Variants in BOK observed in about 807,000 individuals in gnomAD.
The protein encoded by BOK is BCL2 family apoptosis regulator BOK.
BOK carries 20 observed loss-of-function variants against 18.3 expected under a neutral mutation model. That is an observed-to-expected ratio of 1.09 (90% confidence interval 0.77 to 1.59). The LOEUF is 1.59. Ranked by LOEUF, BOK falls within the 40% of genes most tolerant of loss-of-function variation. The pLI is 0.00. For synonymous variants in BOK, 173 were observed against 142.4 expected, an observed-to-expected ratio of 1.21 and a Z score of -1.53; for missense variants, 348 against 307.9, an observed-to-expected ratio of 1.13 and a Z score of -0.97.
chr2:241,553,554 C>T (rs551466103), intron 1 of BOK, among the ~76,000 whole-genome samples: 49 of 152,138 alleles, frequency 3.2e-4, no homozygotes, highest in African/African-American at 1.0e-3. Context: ...ACAATCATGG[C>T]GGAGGGCGAA....
rs753864883 is a variant in BOK at position 241,572,474 on chromosome 2, G to C, written c.*52G>C. ...CTGGCCCTCTGGGCCCAACGCAGGA[G>C]GCCCTCAGCACCCGAACACATCTTC... On this transcript the variant is annotated 3_prime_UTR_variant, in exon 5 of 5. Coordinates refer to ENST00000318407, the MANE Select transcript of BOK (RefSeq NM_032515.5). The C allele has an allele frequency of 1.1e-5, 18 of 1,565,944 alleles. No homozygotes were observed. In the East Asian group the frequency reaches 3.9e-4, roughly 34 times the overall value.
intron 3 of BOK, among the ~76,000 whole-genome samples, chr2:241,569,682 C>G (rs2066675744): frequency 1.3e-5 from 2 of 152,054 alleles, no homozygotes; most frequent in South Asian, 4.1e-4. Context: ...TCCTCTCTTT[C>G]AAGGCTGCTC....
chr2:241,566,173 A>C (rs2066608093), intron 3 of BOK, among the ~76,000 whole-genome samples: 1 of 151,824 alleles, frequency 6.6e-6, no homozygotes, highest in Admixed American at 6.6e-5. Context: ...AATCTCAGCT[A>C]CTCGGGAGGC....
upstream of BOK, among the ~76,000 whole-genome samples, chr2:241,553,761 T>G: frequency 6.6e-6 from 1 of 152,160 alleles, no homozygotes; most frequent in Admixed American, 6.5e-5. Context: ...AGATTTGAGC[T>G]GGGACACAGA....
intron 3 of BOK, among the ~76,000 whole-genome samples, chr2:241,564,650 C>T (rs976594870): frequency 3.9e-5 from 6 of 152,158 alleles, no homozygotes; most frequent in Non-Finnish European, 7.4e-5. Flanking sequence ...GTGCCCGCCC[C>T]TCCTGCCGCC....
intron 3 of BOK, among the ~76,000 whole-genome samples, chr2:241,565,759 C>T (rs1448703281): frequency 6.6e-6 from 1 of 152,236 alleles, no homozygotes. Flanking sequence ...CCCCAGGAGA[C>T]TCCCACGAAG....
chr2:241,568,248 G>GT (rs2066646955), intron 3 of BOK, among the ~76,000 whole-genome samples: 1 of 152,136 alleles, frequency 6.6e-6, no homozygotes, highest in African/African-American at 2.4e-5. Context: ...AGCCTCCCGA[G>GT]TAGCTGGGAC....
chr2:241,551,671 G>A (rs1224395512), intron 1 of BOK, among the ~76,000 whole-genome samples: 1 of 152,170 alleles, frequency 6.6e-6, no homozygotes, highest in South Asian at 2.1e-4. Flanking sequence ...GCTCACCACA[G>A]CCCATCTGCC....
chr2:241,570,499 G>A (rs12995788), intron 4 of BOK, among the ~76,000 whole-genome samples: 3 of 83,292 alleles, frequency 3.6e-5, no homozygotes, highest in Non-Finnish European at 5.0e-5. Flanking sequence ...GCAGAGGTAC[G>A]GGAGGGAGTG....
chr2:241,570,122 C>A lies in BOK; in HGVS notation c.350-3C>A, dbSNP rs1454686740. 7.4e-6 allele frequency: 12 copies of A among 1,610,834 alleles called. No individual in the cohort carries two copies. In the Admixed American group the frequency reaches 8.4e-5, roughly 11 times the overall value. ...CTGATCTTGACCATCTCTCTCCCTG[C>A]AGGCATCACGTGGGGCAAGGTGGTG... On this transcript the variant is annotated splice_region_variant and splice_polypyrimidine_tract_variant and intron_variant, in intron 3 of 4. Transcript: ENST00000318407.
At chr2:241,556,437 A>G (rs1343124073), upstream of BOK, among the ~76,000 whole-genome samples, 1 of 152,180 alleles carries the variant, frequency 6.6e-6, no homozygotes, top group Non-Finnish European at 1.5e-5. Flanking sequence ...ACAAACAATT[A>G]GCCGGGCGTG....
chr2:241,569,918 G>A (rs2066679508), intron 3 of BOK, among the ~76,000 whole-genome samples: 1 of 152,160 alleles, frequency 6.6e-6, no homozygotes, highest in African/African-American at 2.4e-5. Context: ...ACGTGGGCTG[G>A]GCAGGTGTGC....
chr2:241,568,089 A>G (rs981938676), intron 3 of BOK, among the ~76,000 whole-genome samples: 10 of 152,120 alleles, frequency 6.6e-5, no homozygotes, highest in Non-Finnish European at 8.8e-5. Context: ...AGGCCCATCC[A>G]TGCCCAGCCT....
intron 3 of BOK, among the ~76,000 whole-genome samples, chr2:241,568,901 T>C (rs1012085189): frequency 3.3e-5 from 5 of 152,204 alleles, no homozygotes; most frequent in Non-Finnish European, 7.3e-5. Flanking sequence ...TGAGGGTGGA[T>C]TGGAGAGCAG....
At chr2:241,569,568 C>G (rs2066673071) in intron 3 of BOK, among the ~76,000 whole-genome samples, 1 of 152,124 alleles carries the variant, frequency 6.6e-6, no homozygotes, top group Non-Finnish European at 1.5e-5. Flanking sequence ...GCTCATAGTT[C>G]TTTTTTGAAA....
intron 4 of BOK, among the ~76,000 whole-genome samples, chr2:241,571,749 G>A (rs1328380127): frequency 2.0e-5 from 3 of 152,242 alleles, no homozygotes; most frequent in Non-Finnish European, 4.4e-5. Flanking sequence ...GGGAATAAGA[G>A]AATTGGACGT....
At chr2:241,551,500 A>G (rs1053581267) in intron 1 of BOK, 2 of 152,282 alleles carry the variant, frequency 1.3e-5, no homozygotes, top group African/African-American at 4.8e-5. Context: ...TCGTTGCTTC[A>G]TGAAGAAGTA....
intron 3 of BOK, among the ~76,000 whole-genome samples, chr2:241,568,773 G>A (rs1402091776): frequency 1.3e-5 from 2 of 152,234 alleles, no homozygotes; most frequent in Non-Finnish European, 2.9e-5. Flanking sequence ...TCTGTTGAAG[G>A]ATACTTGGGT....
In BOK at chr2:241,562,399, A is replaced by G. The variant is rs765381402; in HGVS notation, c.272A>G (p.Gln91Arg). 6.2e-7 allele frequency: 1 copy of G among 1,612,206 alleles called. No homozygotes were observed. The highest frequency in any genetic ancestry group is 1.1e-5 in the South Asian group (1 of 91,066). ...AGCGTCTACCGCAACGTGGCGCGTC[A>G]GCTGCACATCTCCCTGCAGTCTGAG... Reference protein sequence around the residue: ...RPSVYRNVARQLHISLQSEPV... With the variant: ...RPSVYRNVARRLHISLQSEPV... Residue 91 changes from glutamine to arginine, a missense_variant, in exon 3 of 5, where the codon CAG becomes CGG. Transcript: ENST00000318407. This position sits in a 1 kb window ranked among gnomAD's most constrained non-coding sequence, Gnocchi z 4.5.
Sources: gnomAD v4.1 joint callset for allele counts (sites outside exome capture counted in the v4.1 genomes callset) on GRCh38, gnomAD v4.1.1 for gene constraint, Gnocchi (gnomAD v3.1) non-coding constraint, MANE v1.5 for transcripts, NCBI Gene and HGNC (gene_info 2026-07-23, HGNC 2026-07-21) for gene names.